ABCC1: variants seen among roughly 807,000 people sequenced by gnomAD.
The protein encoded by ABCC1 is ATP binding cassette subfamily C member 1 (ABCC1 blood group), also known as multidrug resistance-associated protein 1.
A neutral mutation model predicts 172.9 loss-of-function variants in ABCC1; 83 were observed. That is an observed-to-expected ratio of 0.48 (90% CI 0.40 to 0.58). The LOEUF (loss-of-function observed/expected upper bound fraction) is 0.58. Among genes scored for constraint, ABCC1 ranks in the 20% least tolerant of loss-of-function variants. The probability of loss-of-function intolerance (pLI) is 0.00; values close to 1 mark genes in which losing one functional copy is unlikely to be tolerated. For missense variants in ABCC1, 1,817 were observed against 2,002.7 expected (o/e 0.91, Z 1.77); for synonymous variants, 937 against 825.2 (o/e 1.14, Z -2.32).
At position 16,083,601 on chromosome 16, in the gene ABCC1, C is replaced by G. The variant is rs1387944916; in HGVS notation, c.2292+59C>G. ...GTCAGCTGTTGCCGCGTAACAAATG[C>G]TCTCACAATCTCAGTGGGCTGTGAG... On this transcript the variant is annotated intron_variant, in intron 17 of 30. Transcript: ENST00000399410. The G allele has an allele frequency of 4.5e-6, 7 of 1,572,482 alleles. No individual in the cohort carries two copies. The Admixed American group carries it at 1.2e-4, about 27-fold the overall frequency.
At chr16:16,134,618 CATCGTT>C (rs2045843486) in intron 28 of ABCC1, 110 bp downstream of exon 28, 1 of 608,248 alleles carries the variant, frequency 1.6e-6, no homozygotes, top group African/African-American at 2.0e-5. Context: ...GGCCCTACTT[CATCGTT>C]CTTTTTTTTT....
intron 7 of ABCC1, among the ~76,000 whole-genome samples, chr16:16,040,834 T>C (rs1478592146): frequency 6.6e-6 from 1 of 151,980 alleles, no homozygotes; most frequent in East Asian, 1.9e-4. Flanking sequence ...AAGGTGGATA[T>C]TTAGGGACAA....
chr16:15,983,256 A>G (rs996773853), intron 1 of ABCC1, among the ~76,000 whole-genome samples: 2 of 151,928 alleles, frequency 1.3e-5, no homozygotes, highest in African/African-American at 4.8e-5. Context: ...GAGGGAACCC[A>G]CTCTGCAAAG....
chr16:16,045,589 TG>T (rs2049172679), intron 8 of ABCC1, among the ~76,000 whole-genome samples: 1 of 151,954 alleles, frequency 6.6e-6, no homozygotes, highest in South Asian at 2.1e-4. Flanking sequence ...TTGGGTGACT[TG>T]CTGGTGATGA....
chr16:16,077,480 C>T (rs1398812865), intron 15 of ABCC1, among the ~76,000 whole-genome samples: 1 of 151,956 alleles, frequency 6.6e-6, no homozygotes, highest in Non-Finnish European at 1.5e-5. Context: ...CCATGAGCCC[C>T]CAGAACCTTT....
At chr16:16,032,632 A>T (rs1000481465) in intron 5 of ABCC1, among the ~76,000 whole-genome samples, 3 of 152,214 alleles carry the variant, frequency 2.0e-5, no homozygotes, top group African/African-American at 4.8e-5. Context: ...AGTGTCTAGC[A>T]CATAGTAGAT....
At chr16:16,018,803 T>TTGAA (rs56287964) in intron 5 of ABCC1, among the ~76,000 whole-genome samples, 7,053 of 151,206 alleles carry the variant, frequency 0.047, 520 homozygotes, top group African/African-American at 0.16. Context: ...ATGTGTGTGT[T>TTGAA]TGTGTGTGTG....
intron 1 of ABCC1, among the ~76,000 whole-genome samples, chr16:15,955,617 T>G (rs767488753): frequency 6.6e-6 from 1 of 152,188 alleles, no homozygotes; most frequent in Non-Finnish European, 1.5e-5. Flanking sequence ...TCAGGGCCTT[T>G]GCACTTGCTG....
Position 16,070,431 on chromosome 16 carries a change from G to A in ABCC1, c.1825-1211G>A, listed in dbSNP as rs181594870. Among the ~76,000 whole-genome samples, 23 of 152,140 alleles carry A rather than the reference G, an allele frequency of 1.5e-4. No individual in the cohort carries two copies. In the East Asian group the frequency reaches 1.6e-3, roughly 10 times the overall value. On this transcript the variant is annotated intron_variant, in intron 13 of 30. Transcript: ENST00000399410. ...TGTAATCCCAGCACTCTGGGAGGCC[G>A]AGGTGGGCGGATCATGAGGTCAGGA... is the stretch of plus-strand genomic sequence containing the variant.
At chr16:16,115,725 A>G (rs1305614347) in intron 23 of ABCC1, among the ~76,000 whole-genome samples, 1 of 151,912 alleles carries the variant, frequency 6.6e-6, no homozygotes, top group Non-Finnish European at 1.5e-5. Context: ...AACATGACTA[A>G]TAGCAGCCTA....
intron 1 of ABCC1, among the ~76,000 whole-genome samples, chr16:15,994,623 CTTA>C (rs954735902): frequency 9.2e-5 from 14 of 152,046 alleles, no homozygotes; most frequent in Admixed American, 6.6e-4. Flanking sequence ...AACTAGCTTT[CTTA>C]TTATTATTTT....
intron 26 of ABCC1, among the ~76,000 whole-genome samples, chr16:16,126,967 C>T (rs1271474410): frequency 2.0e-5 from 3 of 152,122 alleles, no homozygotes; most frequent in Admixed American, 6.6e-5. Context: ...TCCAAGGTCC[C>T]ACGTGGCTTG....
intron 29 of ABCC1, 30 bp from the exon 30 acceptor site, chr16:16,138,334 C>CT: frequency 6.4e-7 from 1 of 1,554,036 alleles, no homozygotes; most frequent in Non-Finnish European, 8.8e-7. Context: ...TGACCCAACA[C>CT]TATCTCCTGG....
At chr16:16,047,083 G>T (rs145109680) in intron 9 of ABCC1, among the ~76,000 whole-genome samples, 3 of 152,004 alleles carry the variant, frequency 2.0e-5, no homozygotes, top group Non-Finnish European at 4.4e-5. Flanking sequence ...CTGTAGTCCC[G>T]TCTACTCAGG....
intron 1 of ABCC1, among the ~76,000 whole-genome samples, chr16:15,997,376 C>G (rs2047093901): frequency 6.6e-6 from 1 of 152,204 alleles, no homozygotes; most frequent in African/African-American, 2.4e-5. Context: ...TAGGCGTGAG[C>G]CACCGCGCCC....
chr16:16,088,355 G>T (rs148556195), intron 18 of ABCC1, among the ~76,000 whole-genome samples: 2 of 152,300 alleles, frequency 1.3e-5, no homozygotes, highest in African/African-American at 4.8e-5. Flanking sequence ...TGAGGCCGGA[G>T]AATGTCTTGA....
chr16:15,956,315 A>G (rs767540129), intron 1 of ABCC1, among the ~76,000 whole-genome samples: 119 of 151,946 alleles, frequency 7.8e-4, no homozygotes, highest in Non-Finnish European at 1.4e-3. Flanking sequence ...CAGTGAGCCG[A>G]GATCGCGCCA....
intron 15 of ABCC1, among the ~76,000 whole-genome samples, chr16:16,077,451 C>G (rs1378630137): frequency 3.9e-5 from 6 of 152,192 alleles, no homozygotes; most frequent in Admixed American, 6.5e-5. Context: ...AGTGGTTTTC[C>G]TGTTCAGTTA....
Position 16,122,010 on chromosome 16 carries a change from C to T in ABCC1, c.3426C>T (p.Arg1142=), listed in dbSNP as rs2045183677. 6.8e-6 allele frequency: 11 copies of T among 1,614,232 alleles called. No individual in the cohort carries two copies. The highest frequency in any genetic ancestry group is 8.5e-6 in the Non-Finnish European group (10 of 1,180,054). The change falls in exon 24 of 31, where the codon CGC becomes CGT. Residue 1142 remains arginine (R), a synonymous_variant. Transcript: ENST00000399410. ...FYVASSRQLK[R]LESVSRSPVY... ...TGGCTTCCTCCCGGCAGCTGAAGCG[C>T]CTCGAGTCGGTCAGCCGCTCCCCGG...
Sources: gnomAD v4.1 joint callset for allele counts (sites outside exome capture counted in the v4.1 genomes callset) on GRCh38, gnomAD v4.1.1 for gene constraint, MANE v1.5 for transcripts, NCBI Gene and HGNC (gene_info 2026-07-23, HGNC 2026-07-21) for gene names.